Variants in SNX5 observed in about 807,000 individuals in gnomAD.
SNX5 encodes sorting nexin-5.
Under a neutral mutation model 53.9 loss-of-function variants are expected in SNX5, and 31 were observed. The observed-to-expected ratio is 0.58, with a 90% CI of 0.43 to 0.78. The LOEUF is 0.78. SNX5 is among the 30% of genes least tolerant of loss of function. The pLI is 0.00. For synonymous variants in SNX5, 168 were observed against 171.1 expected (o/e 0.98, Z 0.14); for missense variants, 471 against 478.8 (o/e 0.98, Z 0.15).
At chr20:17,947,694 A>G (rs1391210806) in intron 10 of SNX5, 49 bp from the exon 11 acceptor site, 1 of 1,512,792 alleles carries the variant, frequency 6.6e-7, no homozygotes, top group Admixed American at 2.1e-5. Flanking sequence ...AAACCAGTCT[A>G]AAAAATAGCC....
chr20:17,943,277 A>G, intron 11 of SNX5, 82 bp from the exon 12 acceptor site: 2 of 900,442 alleles, frequency 2.2e-6, no homozygotes, highest in Non-Finnish European at 1.9e-6. Context: ...TGGCATTCTT[A>G]CAAATGGTCT....
At position 17,956,082 on chromosome 20, in the gene SNX5, T is replaced by G. The variant is rs2035350998; in HGVS notation, c.157-607A>C. On this transcript the variant is annotated intron_variant, in intron 2 of 12. Coordinates refer to ENST00000377759, the MANE Select transcript of SNX5 (RefSeq NM_014426.4). Reference sequence around the variant, plus strand: ...GTGAGCCACCCAACCCAGCCCCAAATTCTATTTTTGTAAGTCTGAATTTAC... The same window carrying G: ...GTGAGCCACCCAACCCAGCCCCAAAGTCTATTTTTGTAAGTCTGAATTTAC... Among the ~76,000 whole-genome samples the G allele has an allele frequency of 2.6e-5, 4 of 152,070 alleles. No individual in the cohort carries two copies. The South Asian group carries it at 8.3e-4, about 31-fold the overall frequency.
At position 17,963,329 on chromosome 20, in the gene SNX5, G is replaced by A. The variant is rs562776884; in HGVS notation, c.51+5046C>T. Among the ~76,000 whole-genome samples the A allele has an allele frequency of 2.0e-4, 30 of 152,194 alleles. 1 individual carries two copies. The highest frequency in any genetic ancestry group is 6.8e-3 in the Middle Eastern group (2 of 294). On this transcript the variant is annotated intron_variant, in intron 1 of 12. Coordinates refer to ENST00000377759, the MANE Select transcript of SNX5 (RefSeq NM_014426.4). ...GCCTTAAAAAAAATCACCTAGGCTC[G>A]GTGGCCTATGCCTTTACTCCTAACA...
At chr20:17,950,503 C>A in intron 6 of SNX5, 107 bp from the exon 7 acceptor site, 1 of 660,432 alleles carries the variant, frequency 1.5e-6, no homozygotes, top group South Asian at 2.0e-5. Flanking sequence ...GGCATATAAA[C>A]GTGAGTAAAG....
chr20:17,957,420 G>A (rs969021423), intron 1 of SNX5, among the ~76,000 whole-genome samples: 3 of 139,394 alleles, frequency 2.2e-5, no homozygotes, highest in African/African-American at 8.1e-5. Context: ...GGGCGACAGA[G>A]CGAAACTGTC....
At chr20:17,967,325 T>C (rs1245583954) in intron 1 of SNX5, among the ~76,000 whole-genome samples, 3 of 149,838 alleles carry the variant, frequency 2.0e-5, no homozygotes, top group African/African-American at 7.4e-5. Context: ...CCACTTTGTT[T>C]TAGTAATAAA....
In SNX5 at chr20:17,964,381, T is replaced by A. The variant is rs535649662; in HGVS notation, c.51+3994A>T. 3.3e-5 allele frequency among the ~76,000 whole-genome samples: 5 copies of A among 152,256 alleles called. No individual in the cohort carries two copies. The East Asian group carries it at 9.6e-4, about 29-fold the overall frequency. Reference sequence around the variant, plus strand: ...AATGCCTAAAAAAGTTATGCCAAAATGTAAAAAGAAGAGTCAAGCCAAGGA... The same window carrying A: ...AATGCCTAAAAAAGTTATGCCAAAAAGTAAAAAGAAGAGTCAAGCCAAGGA... On this transcript the variant is annotated intron_variant, in intron 1 of 12. Transcript: ENST00000377759.
intron 11 of SNX5, among the ~76,000 whole-genome samples, chr20:17,946,839 CTAAT>C (rs2039493896): frequency 2.6e-5 from 4 of 152,164 alleles, no homozygotes; most frequent in Admixed American, 2.6e-4. Flanking sequence ...TGGATACTAT[CTAAT>C]TGAGTAATCA....
chr20:17,947,350 A>AC, intron 11 of SNX5, 136 bp downstream of exon 11: 2 of 867,616 alleles, frequency 2.3e-6, no homozygotes, highest in South Asian at 3.6e-5. Context: ...GTGCATGTGC[A>AC]AGTGATAAGG....
At chr20:17,951,388 A>G in intron 6 of SNX5, 112 bp downstream of exon 6, 1 of 687,642 alleles carries the variant, frequency 1.5e-6, no homozygotes, top group Non-Finnish European at 2.6e-6. Flanking sequence ...AAGAACACTT[A>G]CATGTCTTAA....
At chr20:17,961,657 T>C (rs942345804) in intron 1 of SNX5, 2 of 984,668 alleles carry the variant, frequency 2.0e-6, no homozygotes, top group Non-Finnish European at 1.2e-6. Flanking sequence ...CTAGTTTCCA[T>C]TCCAAAAGCA....
At chr20:17,955,121 G>A (rs1423114367) in intron 3 of SNX5, among the ~76,000 whole-genome samples, 1 of 152,122 alleles carries the variant, frequency 6.6e-6, no homozygotes, top group East Asian at 1.9e-4. Context: ...AGGTAGGTAA[G>A]ACTAAAGTCA....
intron 11 of SNX5, 45 bp downstream of exon 11, chr20:17,947,441 A>G (rs2039500931): frequency 6.3e-7 from 1 of 1,583,072 alleles, no homozygotes. Context: ...TAAGTTTGAA[A>G]TTATTTTCAA....
chr20:17,950,379 A>G lies in SNX5; in HGVS notation c.627T>C (p.Phe209=), dbSNP rs768434696. Residue 209 remains phenylalanine, a synonymous_variant, in exon 7 of 13, where the codon TTT becomes TTC. Coordinates refer to ENST00000377759, the MANE Select transcript of SNX5 (RefSeq NM_014426.4). The part of the protein sequence containing the change: ...FTGVKEVDDF[F]EQEKNFLINY... ...TAATAAGGAAGTTCTTCTCTTGCTC[A>G]AAGAAGTCATCTACCTCCTAGAAGG... 1.9e-6 allele frequency: 3 copies of G among 1,608,588 alleles called. No individual in the cohort carries two copies. The South Asian group carries it at 3.3e-5, about 18-fold the overall frequency.
In SNX5 at chr20:17,968,763, A is replaced by T; in HGVS notation, c.-338T>A. The T allele has an allele frequency of 2.8e-6, 1 of 354,434 alleles. No homozygotes were observed. The highest frequency in any genetic ancestry group is 5.2e-6 in the Non-Finnish European group (1 of 191,798). 22.0% of individuals were successfully genotyped at this position (354,434 alleles called of 1,614,324 possible). A position where few individuals can be genotyped will look rare whatever the true frequency, so the allele number is the denominator to read the frequency against. On this transcript the variant is annotated 5_prime_UTR_variant, in exon 1 of 13. Coordinates refer to ENST00000377759, the MANE Select transcript of SNX5 (RefSeq NM_014426.4). ...CCGCGACACGGACGGGAAGCAACGG[A>T]CACTCTCCCAGCAAGACGCGTCTAG...
chr20:17,943,985 T>C (rs1425600728), intron 11 of SNX5: 1 of 152,258 alleles, frequency 6.6e-6, no homozygotes, highest in East Asian at 1.9e-4. Flanking sequence ...CAATGTAGTA[T>C]AGATACATTA....
chr20:17,962,724 A>C lies in SNX5; in HGVS notation c.51+5651T>G, dbSNP rs186557791. The C allele has an allele frequency of 1.3e-3, 686 of 518,920 alleles. 11 individuals are homozygous for C. The highest frequency in any genetic ancestry group is 5.5e-4 in the Non-Finnish European group (142 of 259,978). 32.1% of individuals were successfully genotyped at this position (518,920 alleles called of 1,614,324 possible). On this transcript the variant is annotated intron_variant, in intron 1 of 12. Transcript: ENST00000377759. ...GGCTGCAGCAAGTGATCAGATTTTC[A>C]CCACTCATCTTTGTGAGATGGGTCT... is the stretch of plus-strand genomic sequence containing the variant.
At chr20:17,942,532 T>A in intron 12 of SNX5, 125 bp from the exon 13 acceptor site, 1 of 736,860 alleles carries the variant, frequency 1.4e-6, no homozygotes, top group Admixed American at 2.0e-5. Flanking sequence ...AAGCTGGCCC[T>A]TCTCTTCATC....
intron 11 of SNX5, chr20:17,945,324 G>C (rs1006019524): frequency 6.6e-6 from 1 of 152,206 alleles, no homozygotes; most frequent in African/African-American, 2.4e-5. Context: ...CAGCTCAGCT[G>C]CAAGTCTCAG....
Sources: gnomAD v4.1 joint callset for allele counts (sites outside exome capture counted in the v4.1 genomes callset) on GRCh38, gnomAD v4.1.1 for gene constraint, MANE v1.5 for transcripts, NCBI Gene and HGNC (gene_info 2026-07-23, HGNC 2026-07-21) for gene names.